Variants in ZC3H12B observed in about 807,000 individuals in gnomAD.
The protein encoded by ZC3H12B is zinc finger CCCH-type containing 12B, also known as probable ribonuclease ZC3H12B.
Under a neutral mutation model 43.9 loss-of-function variants are expected in ZC3H12B, and 7 were observed. The observed-to-expected ratio is 0.16, with a 90% CI of 0.09 to 0.30. The LOEUF (loss-of-function observed/expected upper bound fraction) is 0.30. Among genes scored for constraint, ZC3H12B ranks in the 10% least tolerant of loss-of-function variants. The probability of loss-of-function intolerance (pLI) is 1.00; values close to 1 mark genes in which losing one functional copy is unlikely to be tolerated. For synonymous variants in ZC3H12B, 222 were observed against 241.7 expected (o/e 0.92, Z 0.76); for missense variants, 475 against 670.2 (o/e 0.71, Z 3.22).
the ZC3H12B span, among the ~76,000 whole-genome samples, chrX:65,300,184 C>T: frequency 8.9e-6 from 1 of 112,178 alleles, no homozygotes; most frequent in Non-Finnish European, 1.9e-5. Context: ...ATGGGGCATG[C>T]AGATACCAGC....
At chrX:65,347,580 G>T in the ZC3H12B span, among the ~76,000 whole-genome samples, 2 of 111,855 alleles carry the variant, frequency 1.8e-5, no homozygotes, top group Non-Finnish European at 3.8e-5. Flanking sequence ...AAAAAGTCAG[G>T]AAACAGCAGG....
the ZC3H12B span, among the ~76,000 whole-genome samples, chrX:65,060,430 A>T: frequency 1.8e-5 from 2 of 111,922 alleles, no homozygotes; most frequent in African/African-American, 6.5e-5. Context: ...ATTTTATCAC[A>T]TGCTTTTTCC....
chrX:65,133,722 A>G, the ZC3H12B span, among the ~76,000 whole-genome samples: 1 of 110,679 alleles, frequency 9.0e-6, no homozygotes, highest in Non-Finnish European at 1.9e-5. Context: ...AGGGAGGAGC[A>G]GCCTGGGGAA....
At chrX:65,064,856 T>C in the ZC3H12B span, among the ~76,000 whole-genome samples, 1 of 112,218 alleles carries the variant, frequency 8.9e-6, no homozygotes, top group Admixed American at 9.4e-5. Flanking sequence ...TTTAGGATAG[T>C]TAGCTCTTCT....
At chrX:65,188,398 A>C in the ZC3H12B span, among the ~76,000 whole-genome samples, 1 of 74,654 alleles carries the variant, frequency 1.3e-5, no homozygotes, top group Non-Finnish European at 2.6e-5. Flanking sequence ...TCAAACTATT[A>C]TTCATAGCGG....
chrX:65,158,108 T>C, the ZC3H12B span, among the ~76,000 whole-genome samples: 1 of 108,949 alleles, frequency 9.2e-6, no homozygotes, highest in Non-Finnish European at 1.9e-5. Flanking sequence ...GAACTCATCA[T>C]TTTTTATGGC....
At chrX:65,326,737 C>G in the ZC3H12B span, among the ~76,000 whole-genome samples, 1 of 111,145 alleles carries the variant, frequency 9.0e-6, no homozygotes, top group African/African-American at 3.3e-5. Flanking sequence ...TACATCTTTA[C>G]AAATTATATG....
At chrX:65,132,302 G>A in the ZC3H12B span, among the ~76,000 whole-genome samples, 68 of 111,422 alleles carry the variant, frequency 6.1e-4, no homozygotes, top group African/African-American at 2.2e-3. Context: ...TGGGAGAATT[G>A]TAAGGAGAGT....
At chrX:65,357,234 G>C in the ZC3H12B span, 46 of 374,412 alleles carry the variant, frequency 1.2e-4, no homozygotes, top group Non-Finnish European at 2.1e-4. Context: ...AGAATATCCA[G>C]GCAGTTTGCA....
the ZC3H12B span, among the ~76,000 whole-genome samples, chrX:65,240,865 C>T: frequency 8.9e-6 from 1 of 111,877 alleles, no homozygotes; most frequent in African/African-American, 3.2e-5. Context: ...ATTCCAGACC[C>T]TAGTTGCCTA....
intron 3 of ZC3H12B, among the ~76,000 whole-genome samples, chrX:65,454,801 A>G (rs2067582355): frequency 8.9e-6 from 1 of 111,833 alleles, no homozygotes; most frequent in Non-Finnish European, 1.9e-5. Flanking sequence ...AAGATCAGGC[A>G]GCAACATTTG....
At chrX:65,083,766 T>C in the ZC3H12B span, among the ~76,000 whole-genome samples, 2 of 111,954 alleles carry the variant, frequency 1.8e-5, no homozygotes, top group South Asian at 3.7e-4. Flanking sequence ...CTAAATTTTA[T>C]GTGGCATGAC....
chrX:65,261,191 A>T, the ZC3H12B span, among the ~76,000 whole-genome samples: 2 of 111,789 alleles, frequency 1.8e-5, no homozygotes, highest in Admixed American at 9.5e-5. Context: ...CAAGGTAAAT[A>T]AAAAATGTAT....
At chrX:65,196,463 C>G in the ZC3H12B span, among the ~76,000 whole-genome samples, 2 of 111,176 alleles carry the variant, frequency 1.8e-5, no homozygotes, top group South Asian at 7.6e-4. Flanking sequence ...ATTAGCGCAA[C>G]AGAAACAGTA....
the ZC3H12B span, among the ~76,000 whole-genome samples, chrX:65,127,037 G>T: frequency 1.8e-5 from 2 of 110,757 alleles, no homozygotes; most frequent in African/African-American, 6.6e-5. Context: ...TCCATTGCTG[G>T]TGAGGTGGTA....
the ZC3H12B span, among the ~76,000 whole-genome samples, chrX:65,068,721 G>A: frequency 0.029 from 3,187 of 111,280 alleles, 113 homozygotes; most frequent in African/African-American, 0.099. Context: ...AGCAAATTTT[G>A]TACCTTCAGT....
chrX:65,441,156 C>T (rs761711632), intron 3 of ZC3H12B, among the ~76,000 whole-genome samples: 1 of 111,824 alleles, frequency 8.9e-6, no homozygotes, highest in African/African-American at 3.3e-5. Context: ...GAACTTGTGC[C>T]TCCCATTGCG....
At chrX:65,505,795 T>C (rs1038915274) in exon 5 of ZC3H12B, 1 of 112,706 alleles carries the variant, frequency 8.9e-6, no homozygotes, top group Non-Finnish European at 1.9e-5. Flanking sequence ...TATTTAGTAC[T>C]CAGAAACTGT....
At chrX:65,145,955 T>C in the ZC3H12B span, among the ~76,000 whole-genome samples, 1 of 111,496 alleles carries the variant, frequency 9.0e-6, no homozygotes, top group Non-Finnish European at 1.9e-5. Flanking sequence ...CTGATGACAA[T>C]GCCTAGGTGA....
Sources: gnomAD v4.1 joint callset for allele counts (sites outside exome capture counted in the v4.1 genomes callset) on GRCh38, gnomAD v4.1.1 for gene constraint, MANE v1.5 for transcripts, NCBI Gene and HGNC (gene_info 2026-07-23, HGNC 2026-07-21) for gene names.